Variants in DNAH14 observed in about 807,000 individuals in gnomAD.
The protein encoded by DNAH14 is dynein axonemal heavy chain 14.
DNAH14 carries 478 observed loss-of-function variants against 520.9 expected under a neutral mutation model. That is an observed-to-expected ratio of 0.92 (90% CI 0.85 to 0.99). The LOEUF (loss-of-function observed/expected upper bound fraction) is 0.99. Among genes scored for constraint, DNAH14 ranks in the 50% least tolerant of loss-of-function variants. The pLI is 0.00. For synonymous variants in DNAH14, 1,581 were observed against 1,757.2 expected (o/e 0.90, Z 2.51); for missense variants, 4,831 against 5,234.5 (o/e 0.92, Z 2.38).
chr1:225,086,990 CCACACACACACACACACACACACACA>C (rs57900981), intron 21 of DNAH14, among the ~76,000 whole-genome samples: 1 of 146,786 alleles, frequency 6.8e-6, no homozygotes, highest in Non-Finnish European at 1.5e-5. Context: ...GAAAAGAACA[CCACACACACACACACACACACACACA>C]CACACACACA....
rs559446514 is a variant in DNAH14, at chr1:225,277,972, AT to A, written c.8271+475del. On this transcript the variant is annotated intron_variant, in intron 54 of 85. Coordinates refer to ENST00000682510, the MANE Select transcript of DNAH14 (RefSeq NM_001367479.1). ...GCCAATTACATAAAGCATATTAATT[AT>A]TTTTATTTAATTTATTATTTATGAC... Among the ~76,000 whole-genome samples, 308 of 152,200 alleles carry A rather than the reference AT, an allele frequency of 2.0e-3. 1 individual carries two copies. The highest frequency in any genetic ancestry group is 7.0e-3 in the African/African-American group (291 of 41,556).
chr1:225,083,242 T>C (rs1304234867), intron 20 of DNAH14, among the ~76,000 whole-genome samples: 1 of 152,154 alleles, frequency 6.6e-6, no homozygotes, highest in Non-Finnish European at 1.5e-5. Flanking sequence ...AAAAACTTTC[T>C]ATTTTTATGT....
chr1:225,086,166 T>G (rs1370347446), intron 21 of DNAH14, among the ~76,000 whole-genome samples: 2 of 151,792 alleles, frequency 1.3e-5, no homozygotes, highest in Non-Finnish European at 2.9e-5. Context: ...AGAGTCTTAC[T>G]CCGTCACCCA....
intron 23 of DNAH14, among the ~76,000 whole-genome samples, chr1:225,115,300 A>G (rs986204022): frequency 1.3e-5 from 2 of 152,194 alleles, no homozygotes; most frequent in African/African-American, 2.4e-5. Context: ...AACTATTTTT[A>G]TTAGCACCAT....
chr1:225,083,530 A>G (rs2073385909), intron 20 of DNAH14, among the ~76,000 whole-genome samples: 1 of 152,150 alleles, frequency 6.6e-6, no homozygotes, highest in African/African-American at 2.4e-5. Flanking sequence ...TATATGTCTA[A>G]GAAATACCTC....
At chr1:225,182,786 A>G (rs1045050101) in intron 36 of DNAH14, among the ~76,000 whole-genome samples, 8 of 152,208 alleles carry the variant, frequency 5.3e-5, no homozygotes, top group African/African-American at 1.9e-4. Context: ...GAGAGTATTT[A>G]GACTCACTGT....
At chr1:225,341,915 CA>C (rs1277279819) in intron 69 of DNAH14, among the ~76,000 whole-genome samples, 4 of 152,154 alleles carry the variant, frequency 2.6e-5, no homozygotes, top group Admixed American at 6.5e-5. Context: ...CTTTAGTCCT[CA>C]AGAGTATGTA....
chr1:225,347,408 C>G (rs901931390), intron 71 of DNAH14, among the ~76,000 whole-genome samples: 8 of 152,130 alleles, frequency 5.3e-5, no homozygotes, highest in African/African-American at 1.9e-4. Flanking sequence ...CATGCCTCCC[C>G]CTCTTTGTGG....
rs998301793 is a variant in DNAH14, at chr1:225,043,175, A to G, written c.1768+61A>G. 9.0e-6 allele frequency: 13 copies of G among 1,451,750 alleles called. No individual in the cohort carries two copies. The African/African-American group carries it at 1.6e-4, about 17-fold the overall frequency. The allele number at this position is 1,451,750 out of a possible 1,614,324, so 89.9% of individuals were successfully genotyped here. Reference sequence around the variant, plus strand: ...CCAGGTGTGGTGGCTCATGCCTGCAATCCTGGCACTCTGGGAGGCTGAGGT... The same window carrying G: ...CCAGGTGTGGTGGCTCATGCCTGCAGTCCTGGCACTCTGGGAGGCTGAGGT... On this transcript the variant is annotated intron_variant, in intron 13 of 85. Coordinates refer to ENST00000682510, the MANE Select transcript of DNAH14 (RefSeq NM_001367479.1).
intron 1 of DNAH14, among the ~76,000 whole-genome samples, chr1:224,941,123 A>G (rs900930839): frequency 2.0e-5 from 3 of 152,356 alleles, no homozygotes; most frequent in African/African-American, 7.2e-5. Context: ...GAACTAGTTT[A>G]CAGTCCCACC....
chr1:225,115,536 A>C (rs1436409703), intron 23 of DNAH14, among the ~76,000 whole-genome samples: 1 of 152,188 alleles, frequency 6.6e-6, no homozygotes. Flanking sequence ...AACACAAGTA[A>C]CAGTGGTTGT....
chr1:225,200,218 G>A lies in DNAH14; in HGVS notation c.5887-3965G>A, dbSNP rs559200109. 3.2e-3 allele frequency among the ~76,000 whole-genome samples: 491 copies of A among 152,170 alleles called. 4 individuals are homozygous for A. The highest frequency in any genetic ancestry group is 7.3e-3 in the South Asian group (35 of 4,824). On this transcript the variant is annotated intron_variant, in intron 38 of 85. Transcript: ENST00000682510. ...CCACCCCTTTATCTTAAGTTTATGTGAGTCATTATGTGTTAGGTGAGTCTC... is the reference window on the plus strand; with the variant it reads ...CCACCCCTTTATCTTAAGTTTATGTAAGTCATTATGTGTTAGGTGAGTCTC...
intron 81 of DNAH14, among the ~76,000 whole-genome samples, chr1:225,384,346 C>T (rs992310500): frequency 6.6e-6 from 1 of 152,012 alleles, no homozygotes; most frequent in Admixed American, 6.6e-5. Context: ...GTGTTAAAGT[C>T]TCCCATTATT....
At chr1:224,958,747 A>G (rs1317084792) in intron 3 of DNAH14, among the ~76,000 whole-genome samples, 1 of 152,104 alleles carries the variant, frequency 6.6e-6, no homozygotes, top group East Asian at 1.9e-4. Flanking sequence ...AGGAGAGCAC[A>G]GCTTTAGACA....
At chr1:225,144,933 AAG>A (rs71574518) in intron 29 of DNAH14, among the ~76,000 whole-genome samples, 81 of 150,898 alleles carry the variant, frequency 5.4e-4, no homozygotes, top group African/African-American at 1.8e-3. Context: ...GTGTGTGTGA[AAG>A]AGAGAGAGAG....
chr1:225,270,465 G>A (rs2093283506), intron 49 of DNAH14, among the ~76,000 whole-genome samples: 1 of 152,018 alleles, frequency 6.6e-6, no homozygotes, highest in Non-Finnish European at 1.5e-5. Context: ...AGAATTTAAA[G>A]TATAATAATT....
intron 27 of DNAH14, among the ~76,000 whole-genome samples, chr1:225,136,994 C>G (rs755782204): frequency 3.9e-5 from 6 of 152,140 alleles, no homozygotes; most frequent in Non-Finnish European, 5.9e-5. Context: ...TTTTTCAGCT[C>G]CATTAGGTCA....
chr1:225,118,051 A>C, intron 25 of DNAH14, 52 bp downstream of exon 25: 1 of 1,356,038 alleles, frequency 7.4e-7, no homozygotes, highest in Non-Finnish European at 1.0e-6. Flanking sequence ...CATTATTTAA[A>C]ATCTCTGCTT....
At chr1:224,945,572 T>A (rs892794565) in intron 1 of DNAH14, among the ~76,000 whole-genome samples, 12 of 152,256 alleles carry the variant, frequency 7.9e-5, no homozygotes, top group Admixed American at 7.2e-4. Context: ...CACTCTGATT[T>A]CTAGAGTTTC....
Sources: gnomAD v4.1 joint callset for allele counts (sites outside exome capture counted in the v4.1 genomes callset) on GRCh38, gnomAD v4.1.1 for gene constraint, MANE v1.5 for transcripts, NCBI Gene and HGNC (gene_info 2026-07-23, HGNC 2026-07-21) for gene names.